The following SMYD4 variants were observed in gnomAD, a reference collection of about 807,000 sequenced individuals.
SMYD4 encodes the protein protein-lysine N-methyltransferase SMYD4.
SMYD4 carries 68 observed loss-of-function variants against 72.8 expected under a neutral mutation model. That is an observed-to-expected ratio of 0.93 (90% CI 0.77 to 1.14). The LOEUF is 1.14. Ranked by LOEUF, SMYD4 falls within the 50% of genes most tolerant of loss-of-function variation. The pLI is 0.00. For synonymous variants in SMYD4, 407 were observed against 388.6 expected, an observed-to-expected ratio of 1.05 and a Z score of -0.56; for missense variants, 984 against 1,003.7, an observed-to-expected ratio of 0.98 and a Z score of 0.27.
intron 1 of SMYD4, among the ~76,000 whole-genome samples, chr17:1,829,010 T>G (rs1911370343): frequency 6.6e-6 from 1 of 152,120 alleles, no homozygotes; most frequent in Admixed American, 6.6e-5. Flanking sequence ...GCGTTCTGAT[T>G]AAGTCCTCAC....
Position 1,799,825 on chromosome 17 carries a change from T to C in SMYD4, c.1537+32A>G, listed in dbSNP as rs770870355. 4.3e-5 allele frequency: 65 copies of C among 1,521,546 alleles called. No individual in the cohort carries two copies. The East Asian group carries it at 8.0e-4, about 19-fold the overall frequency. 94.3% of individuals were successfully genotyped at this position (1,521,546 alleles called of 1,614,324 possible). ...AACACCTGCTCCATCGAGAACAATA[T>C]TGAAAAGCAGGAACATCAGGTTCCC... On this transcript the variant is annotated intron_variant, in intron 5 of 10. Coordinates refer to ENST00000305513, the MANE Select transcript of SMYD4 (RefSeq NM_052928.3).
At chr17:1,828,697 A>C (rs903416688) in intron 1 of SMYD4, among the ~76,000 whole-genome samples, 9 of 150,878 alleles carry the variant, frequency 6.0e-5, no homozygotes, top group Admixed American at 6.6e-5. Flanking sequence ...TCCCAGGTTC[A>C]AGCAATTCTC....
At chr17:1,785,733 C>A (rs1199090026) in intron 7 of SMYD4, among the ~76,000 whole-genome samples, 1 of 145,358 alleles carries the variant, frequency 6.9e-6, no homozygotes, top group Non-Finnish European at 1.5e-5. Context: ...GCACTCACTT[C>A]AGCCTGGATG....
chr17:1,795,227 G>A (rs960013926), intron 5 of SMYD4, among the ~76,000 whole-genome samples: 7 of 151,764 alleles, frequency 4.6e-5, no homozygotes, highest in African/African-American at 9.7e-5. Flanking sequence ...GGCTGGTCTC[G>A]AACTCCAGGG....
In SMYD4 at chr17:1,790,176, C is replaced by A. The variant is rs143864959; in HGVS notation, c.1538-2572G>T. On this transcript the variant is annotated intron_variant, in intron 5 of 10. Transcript: ENST00000305513. ...TGATAACTGGCAATCTATATTAGAA[C>A]CATTGCTAAAATTTTCCAGAAAAGA... Among the ~76,000 whole-genome samples the A allele has an allele frequency of 1.3e-3, 195 of 152,228 alleles. 1 individual carries two copies. Among genetic ancestry groups the A allele is most frequent in the African/African-American group, 4.4e-3 (183 of 41,534 alleles).
intron 5 of SMYD4, among the ~76,000 whole-genome samples, chr17:1,789,904 CTCAAT>C (rs1232131635): frequency 1.3e-5 from 2 of 152,120 alleles, no homozygotes; most frequent in Non-Finnish European, 2.9e-5. Context: ...ATCCAAATGA[CTCAAT>C]TCTAGTTAAT....
chr17:1,781,270 A>G lies in SMYD4; in HGVS notation c.*16T>C. On this transcript the variant is annotated 3_prime_UTR_variant, in exon 11 of 11. Transcript: ENST00000305513. ...CCATGGGCTCCTTTTCTGTGGGTCA[A>G]AATCCTCCTGGAACCCTACAATGCA... is the stretch of plus-strand genomic sequence containing the variant. 1.9e-6 allele frequency: 3 copies of G among 1,605,390 alleles called. No homozygotes were observed. The highest frequency in any genetic ancestry group is 2.5e-6 in the Non-Finnish European group (3 of 1,177,708).
At chr17:1,824,044 T>C (rs572841566) in intron 2 of SMYD4, among the ~76,000 whole-genome samples, 2 of 152,274 alleles carry the variant, frequency 1.3e-5, no homozygotes, top group South Asian at 4.1e-4. Flanking sequence ...TTCTAGAGTT[T>C]CTAAAATGAC....
intron 2 of SMYD4, among the ~76,000 whole-genome samples, chr17:1,815,133 G>A (rs1209200473): frequency 2.6e-5 from 4 of 151,182 alleles, no homozygotes; most frequent in Non-Finnish European, 4.4e-5. Flanking sequence ...GTGCGATCTC[G>A]GCTCACTGCA....
At chr17:1,797,458 C>A (rs966380600) in intron 5 of SMYD4, among the ~76,000 whole-genome samples, 1 of 152,188 alleles carries the variant, frequency 6.6e-6, no homozygotes, top group African/African-American at 2.4e-5. Context: ...CTCGGCACAT[C>A]CAACCTTCCC....
intron 3 of SMYD4, among the ~76,000 whole-genome samples, chr17:1,811,347 A>C (rs565478712): frequency 6.6e-6 from 1 of 152,038 alleles, no homozygotes; most frequent in Non-Finnish European, 1.5e-5. Context: ...AGGCTAATTT[A>C]AAAAAAATTT....
At position 1,801,104 on chromosome 17, in the gene SMYD4, C is replaced by T. The variant is rs34564270; in HGVS notation, c.370-80G>A. On this transcript the variant is annotated intron_variant, in intron 4 of 10. Coordinates refer to ENST00000305513, the MANE Select transcript of SMYD4 (RefSeq NM_052928.3). The stretch of plus-strand genomic sequence containing the variant: ...TACTGAAAATGTTTCCAAAAATCTA[C>T]AGGAAAGTTAAGGATTATTAAAAAA... The T allele has an allele frequency of 2.1e-5, 28 of 1,337,544 alleles. No individual in the cohort carries two copies. In the Admixed American group the frequency reaches 4.3e-4, roughly 21 times the overall value. 82.9% of individuals were successfully genotyped at this position (1,337,544 alleles called of 1,614,324 possible).
intron 7 of SMYD4, 33 bp downstream of exon 7, chr17:1,786,761 TGGAAAACTGACCTCCA>T (rs1567765727): frequency 6.2e-7 from 1 of 1,610,598 alleles, no homozygotes; most frequent in East Asian, 2.2e-5. Flanking sequence ...ACCCTTGGGG[TGGAAAACTGACCTCCA>T]GGAAAAGTGG....
chr17:1,784,606 C>T (rs9893644), intron 7 of SMYD4, 145 bp from the exon 8 acceptor site: 1,043,381 of 1,454,856 alleles, frequency 0.72, 376,458 homozygotes, highest in African/African-American at 0.89. Flanking sequence ...AAAGTCTGAG[C>T]GAATTTTGTT....
At chr17:1,817,767 A>C (rs1677895923) in intron 2 of SMYD4, among the ~76,000 whole-genome samples, 1 of 152,114 alleles carries the variant, frequency 6.6e-6, no homozygotes, top group African/African-American at 2.4e-5. Context: ...TAAGAAGTTT[A>C]CAATTGGCCG....
intron 5 of SMYD4, among the ~76,000 whole-genome samples, chr17:1,790,547 C>T (rs1365914089): frequency 6.6e-6 from 1 of 152,024 alleles, no homozygotes; most frequent in Non-Finnish European, 1.5e-5. Context: ...GATGTAGTCT[C>T]ACTCTGTCGC....
intron 2 of SMYD4, among the ~76,000 whole-genome samples, chr17:1,817,753 C>A (rs182209996): frequency 1.3e-5 from 2 of 152,180 alleles, no homozygotes; most frequent in African/African-American, 4.8e-5. Context: ...CCTATGTTTT[C>A]TTTTAAGAAG....
At chr17:1,803,144 A>AAAAAC (rs559465185) in intron 4 of SMYD4, among the ~76,000 whole-genome samples, 1,593 of 152,304 alleles carry the variant, frequency 0.01, 26 homozygotes, top group African/African-American at 0.035. Context: ...ACTGTCTCAA[A>AAAAAC]AAAACAAAAC....
At chr17:1,823,350 C>T (rs1274365116) in intron 2 of SMYD4, among the ~76,000 whole-genome samples, 2 of 141,628 alleles carry the variant, frequency 1.4e-5, no homozygotes, top group African/African-American at 2.6e-5. Flanking sequence ...GCCGAGATCA[C>T]GCCACTGCAC....
Sources: gnomAD v4.1 joint callset for allele counts (sites outside exome capture counted in the v4.1 genomes callset) on GRCh38, gnomAD v4.1.1 for gene constraint, MANE v1.5 for transcripts, NCBI Gene and HGNC (gene_info 2026-07-23, HGNC 2026-07-21) for gene names.